GALNTL6: variants seen among roughly 807,000 people sequenced by gnomAD.
GALNTL6 encodes polypeptide N-acetylgalactosaminyltransferase-like 6.
GALNTL6 carries 46 observed loss-of-function variants against 73.7 expected under a neutral mutation model. The observed-to-expected ratio is 0.62, with a 90% CI of 0.49 to 0.80. GALNTL6 has a LOEUF of 0.80. Ranked by LOEUF, GALNTL6 falls within the 30% of genes least tolerant of loss-of-function variation. The pLI is 0.00. For synonymous variants in GALNTL6, 259 were observed against 263.7 expected (o/e 0.98, Z 0.17); for missense variants, 604 against 755.0 (o/e 0.80, Z 2.34).
chr4:172,773,933 A>C (rs1738919513), intron 5 of GALNTL6, among the ~76,000 whole-genome samples: 1 of 152,108 alleles, frequency 6.6e-6, no homozygotes, highest in Non-Finnish European at 1.5e-5. Flanking sequence ...TGTACAAGTA[A>C]GTGTCTAAAT....
chr4:172,114,104 T>C (rs1368321788), intron 2 of GALNTL6, among the ~76,000 whole-genome samples: 1 of 152,112 alleles, frequency 6.6e-6, no homozygotes, highest in Non-Finnish European at 1.5e-5. Flanking sequence ...AACGTGAGCA[T>C]GCACATTGTT....
At chr4:172,106,300 G>A (rs1732673480) in intron 2 of GALNTL6, among the ~76,000 whole-genome samples, 1 of 152,138 alleles carries the variant, frequency 6.6e-6, no homozygotes, top group Admixed American at 6.5e-5. Flanking sequence ...CAGGTTTCCA[G>A]GGGAGAAGCT....
Position 172,657,487 on chromosome 4 carries a change from T to C in GALNTL6, c.554-151874T>C, listed in dbSNP as rs117093714. On this transcript the variant is annotated intron_variant, in intron 5 of 12. Transcript: ENST00000506823. ...AGTTTGTTTTTTATTTTGAAAGGCA[T>C]AGTGAAAATGTTCATACCTTAATAA... 4.0e-4 allele frequency among the ~76,000 whole-genome samples: 61 copies of C among 152,348 alleles called. 1 individual carries two copies. In the East Asian group the frequency reaches 0.011, roughly 27 times the overall value.
chr4:172,908,834 AAAG>A (rs1747041893), intron 8 of GALNTL6, among the ~76,000 whole-genome samples: 1 of 151,964 alleles, frequency 6.6e-6, no homozygotes, highest in Non-Finnish European at 1.5e-5. Flanking sequence ...AAAAATTTAT[AAAG>A]AAGATTCTCC....
chr4:172,124,878 A>G (rs1188362468), intron 2 of GALNTL6, among the ~76,000 whole-genome samples: 1 of 152,202 alleles, frequency 6.6e-6, no homozygotes, highest in Non-Finnish European at 1.5e-5. Context: ...CAGCATGGGA[A>G]GTTTCCTGGT....
chr4:171,853,427 C>T (rs1292121128), intron 2 of GALNTL6, among the ~76,000 whole-genome samples: 5 of 150,618 alleles, frequency 3.3e-5, no homozygotes, highest in Non-Finnish European at 5.9e-5. Context: ...CCTTTACTGC[C>T]CTTTCCTTCT....
Position 172,249,623 on chromosome 4 carries a change from C to G in GALNTL6, c.247+19859C>G, listed in dbSNP as rs114718665. Reference sequence around the variant, plus strand: ...AGGCTCAGGGCCCCCCTGCTCTGTGCAGTCTCAGGATATGGTGCCCTATGT... The same window carrying G: ...AGGCTCAGGGCCCCCCTGCTCTGTGGAGTCTCAGGATATGGTGCCCTATGT... On this transcript the variant is annotated intron_variant, in intron 3 of 12. Transcript: ENST00000506823. Among the ~76,000 whole-genome samples the G allele has an allele frequency of 8.3e-3, 1,263 of 152,272 alleles. 18 individuals carry two copies. The highest frequency in any genetic ancestry group is 0.029 in the African/African-American group (1,199 of 41,568).
chr4:172,954,936 G>A (rs1749639712), intron 10 of GALNTL6, among the ~76,000 whole-genome samples: 2 of 152,144 alleles, frequency 1.3e-5, no homozygotes, highest in South Asian at 4.1e-4. Flanking sequence ...GTGATGCATA[G>A]CAAGAATGAA....
At chr4:172,362,707 A>C (rs972554635) in intron 5 of GALNTL6, among the ~76,000 whole-genome samples, 5 of 152,132 alleles carry the variant, frequency 3.3e-5, no homozygotes, top group Non-Finnish European at 5.9e-5. Flanking sequence ...CTTCAAACTC[A>C]ATGTGTCCAC....
chr4:172,894,985 T>G (rs1746244978), intron 8 of GALNTL6, among the ~76,000 whole-genome samples: 1 of 151,608 alleles, frequency 6.6e-6, no homozygotes, highest in Non-Finnish European at 1.5e-5. Flanking sequence ...GTCTCTTTTG[T>G]GTGACATCAG....
At chr4:172,693,702 T>C (rs889310915) in intron 5 of GALNTL6, among the ~76,000 whole-genome samples, 2 of 152,148 alleles carry the variant, frequency 1.3e-5, no homozygotes, top group African/African-American at 4.8e-5. Flanking sequence ...AACAGCTGAT[T>C]CTCTGCCTTG....
At chr4:172,219,700 T>C (rs1278548751) in intron 2 of GALNTL6, among the ~76,000 whole-genome samples, 1 of 151,924 alleles carries the variant, frequency 6.6e-6, no homozygotes, top group Non-Finnish European at 1.5e-5. Context: ...CCTTTTAAGA[T>C]TTAGATTTTA....
intron 5 of GALNTL6, among the ~76,000 whole-genome samples, chr4:172,778,033 G>A (rs373692874): frequency 3.8e-4 from 58 of 152,278 alleles, no homozygotes; most frequent in South Asian, 2.7e-3. Flanking sequence ...AAGCCTCTTC[G>A]TAATTATGTA....
intron 5 of GALNTL6, among the ~76,000 whole-genome samples, chr4:172,754,843 CAAAAAA>C (rs56376727): frequency 7.8e-6 from 1 of 128,946 alleles, no homozygotes; most frequent in Non-Finnish European, 1.6e-5. Flanking sequence ...TCACTTCCAC[CAAAAAA>C]AAAAAAAAAG....
intron 8 of GALNTL6, among the ~76,000 whole-genome samples, chr4:172,897,277 T>C (rs893910922): frequency 2.6e-5 from 4 of 152,250 alleles, no homozygotes; most frequent in African/African-American, 9.6e-5. Context: ...GGTTTAGAGC[T>C]GGGAGTAGGC....
chr4:172,443,143 TATATATATATATATATATA>T (rs1731896936), intron 5 of GALNTL6, among the ~76,000 whole-genome samples: 3 of 119,192 alleles, frequency 2.5e-5, no homozygotes, highest in African/African-American at 7.9e-5. Context: ...TATATATATA[TATATATATATATATATATA>T]TTTCTTTTTT....
At chr4:171,819,437 A>G (rs1734625915) in intron 2 of GALNTL6, among the ~76,000 whole-genome samples, 1 of 152,120 alleles carries the variant, frequency 6.6e-6, no homozygotes, top group Non-Finnish European at 1.5e-5. Context: ...CCCTCTATTC[A>G]TTTCTGAGTT....
chr4:172,596,306 A>T (rs879261069), intron 5 of GALNTL6, among the ~76,000 whole-genome samples: 1 of 151,934 alleles, frequency 6.6e-6, no homozygotes, highest in African/African-American at 2.4e-5. Context: ...AAATACAAAA[A>T]GTTAGCTAGG....
At chr4:172,778,409 G>C (rs2110888090) in intron 5 of GALNTL6, among the ~76,000 whole-genome samples, 1 of 152,322 alleles carries the variant, frequency 6.6e-6, no homozygotes, top group African/African-American at 2.4e-5. Context: ...TCTGGAGCTG[G>C]AATAAGCCAC....
Sources: allele counts gnomAD v4.1 joint callset (sites outside exome capture counted in the v4.1 genomes callset), GRCh38; gene constraint gnomAD v4.1.1; transcripts MANE v1.5; gene names NCBI Gene and HGNC (gene_info 2026-07-23, HGNC 2026-07-21).